The following SPATS2L variants were observed in gnomAD, a reference collection of about 807,000 sequenced individuals.
SPATS2L encodes the protein spermatogenesis associated serine rich 2 like.
A neutral mutation model predicts 59.6 loss-of-function variants in SPATS2L; 30 were observed. The ratio of observed to expected loss-of-function variants is 0.50; its 90% CI spans 0.38 to 0.68. The LOEUF (loss-of-function observed/expected upper bound fraction) is 0.68. Ranked by LOEUF, SPATS2L falls within the 30% of genes least tolerant of loss-of-function variation. The pLI is 0.00. For missense variants in SPATS2L, 615 were observed against 700.0 expected (o/e 0.88, Z 1.37); for synonymous variants, 252 against 263.5 (o/e 0.96, Z 0.42).
intron 3 of SPATS2L, among the ~76,000 whole-genome samples, chr2:200,401,138 T>C (rs2082514165): frequency 6.6e-6 from 1 of 152,138 alleles, no homozygotes; most frequent in Non-Finnish European, 1.5e-5. Flanking sequence ...CCACCATGCT[T>C]CAAGGAAGCC....
At chr2:200,355,249 A>AG (rs755237390) in intron 2 of SPATS2L, among the ~76,000 whole-genome samples, 9 of 152,224 alleles carry the variant, frequency 5.9e-5, no homozygotes, top group Non-Finnish European at 1.0e-4. Flanking sequence ...GAATGGAAGG[A>AG]GAAGCTGTGC....
intron 9 of SPATS2L, 84 bp downstream of exon 9, chr2:200,459,911 T>G: frequency 9.8e-7 from 1 of 1,020,774 alleles, no homozygotes; most frequent in Non-Finnish European, 1.5e-6. Context: ...GATACCGGCT[T>G]CTGAACAGGG....
intron 1 of SPATS2L, among the ~76,000 whole-genome samples, chr2:200,320,126 C>G (rs952247374): frequency 6.6e-6 from 1 of 152,048 alleles, no homozygotes; most frequent in African/African-American, 2.4e-5. Flanking sequence ...GCTTGACAGT[C>G]TTTCACTTGT....
intron 2 of SPATS2L, among the ~76,000 whole-genome samples, chr2:200,355,315 G>A (rs138779602): frequency 4.7e-4 from 72 of 152,306 alleles, no homozygotes; most frequent in African/African-American, 1.7e-3. Flanking sequence ...TGGACCTGGT[G>A]GGCTCCTCAG....
intron 5 of SPATS2L, among the ~76,000 whole-genome samples, chr2:200,417,849 C>G (rs552729579): frequency 1.3e-5 from 2 of 152,178 alleles, no homozygotes; most frequent in South Asian, 2.1e-4. Context: ...TCAGCTGGCA[C>G]GCACTCATTC....
intron 4 of SPATS2L, among the ~76,000 whole-genome samples, chr2:200,413,247 AGTTTATG>A (rs2082946446): frequency 2.6e-5 from 4 of 152,138 alleles, no homozygotes; most frequent in Non-Finnish European, 5.9e-5. Flanking sequence ...TAATATCTTT[AGTTTATG>A]ATTTTTAGAT....
At chr2:200,393,095 C>T in intron 3 of SPATS2L, 1 of 413,190 alleles carries the variant, frequency 2.4e-6, no homozygotes, top group Non-Finnish European at 4.9e-6. Context: ...ATGTATTCCC[C>T]AATTTGAGAA....
chr2:200,457,464 G>A (rs1188999987), intron 8 of SPATS2L, among the ~76,000 whole-genome samples: 3 of 152,222 alleles, frequency 2.0e-5, no homozygotes, highest in African/African-American at 7.2e-5. Flanking sequence ...GCAGAGATGG[G>A]ATAAAGAGTT....
chr2:200,444,482 G>A (rs1559138124), intron 8 of SPATS2L, among the ~76,000 whole-genome samples: 1 of 152,084 alleles, frequency 6.6e-6, no homozygotes, highest in Non-Finnish European at 1.5e-5. Context: ...GAGCCAATGG[G>A]GTAGCGTGTG....
chr2:200,443,840 T>TA (rs1311641964), intron 8 of SPATS2L, among the ~76,000 whole-genome samples: 1 of 152,150 alleles, frequency 6.6e-6, no homozygotes, highest in African/African-American at 2.4e-5. Flanking sequence ...CACATCAAGG[T>TA]AAAATGAACG....
chr2:200,409,680 G>T (rs764390533), intron 3 of SPATS2L, among the ~76,000 whole-genome samples: 1 of 152,048 alleles, frequency 6.6e-6, no homozygotes, highest in African/African-American at 2.4e-5. Context: ...CCCTTTTTCT[G>T]TAAAACTTGG....
intron 2 of SPATS2L, among the ~76,000 whole-genome samples, chr2:200,364,451 T>C (rs906010505): frequency 1.3e-5 from 2 of 152,174 alleles, no homozygotes; most frequent in Admixed American, 1.3e-4. Context: ...TCCCACTGAG[T>C]GCCCTGTTCC....
At chr2:200,352,140 A>G (rs2080754584) in intron 2 of SPATS2L, among the ~76,000 whole-genome samples, 1 of 151,822 alleles carries the variant, frequency 6.6e-6, no homozygotes, top group South Asian at 2.1e-4. Flanking sequence ...ATGGTTTACA[A>G]CCAAAAAAGG....
chr2:200,376,668 C>A (rs1052734201), intron 2 of SPATS2L, among the ~76,000 whole-genome samples: 30 of 152,244 alleles, frequency 2.0e-4, no homozygotes, highest in African/African-American at 4.8e-5. Flanking sequence ...GGTTTCCGAT[C>A]CATTCTATGC....
intron 10 of SPATS2L, among the ~76,000 whole-genome samples, chr2:200,468,376 A>ACACACACACACACACACACACACACG (rs2086765909): frequency 6.6e-6 from 1 of 151,558 alleles, no homozygotes; most frequent in African/African-American, 2.4e-5. Flanking sequence ...ACACACACAC[A>ACACACACACACACACACACACACACG]CACGCCTTCC....
At chr2:200,444,378 A>G (rs2084896610) in intron 8 of SPATS2L, among the ~76,000 whole-genome samples, 11 of 152,220 alleles carry the variant, frequency 7.2e-5, no homozygotes, top group Admixed American at 7.2e-4. Context: ...TGGGGGGAAA[A>G]GTATTCCAAA....
intron 2 of SPATS2L, among the ~76,000 whole-genome samples, chr2:200,347,097 A>G (rs912700829): frequency 3.3e-5 from 5 of 152,234 alleles, no homozygotes; most frequent in Admixed American, 1.3e-4. Context: ...GAAATATGCC[A>G]TTCTTCCTTT....
intron 1 of SPATS2L, among the ~76,000 whole-genome samples, chr2:200,312,493 G>A (rs573629818): frequency 6.6e-6 from 1 of 152,294 alleles, no homozygotes; most frequent in Admixed American, 6.5e-5. Flanking sequence ...GCCCCATTAT[G>A]GATTGTGCTA....
chr2:200,468,455 G>A (rs2086783580), intron 10 of SPATS2L, among the ~76,000 whole-genome samples: 1 of 150,838 alleles, frequency 6.6e-6, no homozygotes. Context: ...TTGAAAGTAA[G>A]ATTGCAAATT....
Sources: allele counts gnomAD v4.1 joint callset (sites outside exome capture counted in the v4.1 genomes callset), GRCh38; gene constraint gnomAD v4.1.1; transcripts MANE v1.5; gene names NCBI Gene and HGNC (gene_info 2026-07-23, HGNC 2026-07-21).